The following AKAP9 variants were observed in gnomAD, a reference collection of about 807,000 sequenced individuals.
AKAP9 encodes the protein A-kinase anchoring protein 9.
AKAP9 carries 311 observed loss-of-function variants against 488.5 expected under a neutral mutation model. That is an observed-to-expected ratio of 0.64 (90% CI 0.58 to 0.70). AKAP9 has a LOEUF of 0.70. Among genes scored for constraint, AKAP9 ranks in the 30% least tolerant of loss-of-function variants. AKAP9 has a pLI of 0.00. For synonymous variants in AKAP9, 1,462 were observed against 1,483.5 expected (o/e 0.99, Z 0.33); for missense variants, 4,215 against 4,374.5 (o/e 0.96, Z 1.03).
chr7:92,067,521 G>A (rs1810964868), intron 26 of AKAP9, among the ~76,000 whole-genome samples: 1 of 152,104 alleles, frequency 6.6e-6, no homozygotes, highest in African/African-American at 2.4e-5. Context: ...TCTGTTATTT[G>A]CACTTTTATT....
intron 26 of AKAP9, among the ~76,000 whole-genome samples, chr7:92,068,108 C>A (rs1811051181): frequency 6.6e-6 from 1 of 151,962 alleles, no homozygotes; most frequent in Non-Finnish European, 1.5e-5. Context: ...AGCCTGTAAT[C>A]CCAGCACTTT....
intron 38 of AKAP9, chr7:92,089,863 C>G: frequency 5.5e-6 from 1 of 182,194 alleles, no homozygotes; most frequent in South Asian, 1.3e-4. Context: ...GGAAAATCCA[C>G]AATGCATGTA....
chr7:91,951,250 A>G (rs1001199689), intron 1 of AKAP9, among the ~76,000 whole-genome samples: 17 of 151,816 alleles, frequency 1.1e-4, no homozygotes, highest in African/African-American at 4.1e-4. Context: ...AATTTTTTTA[A>G]TGTTCTAAGC....
intron 1 of AKAP9, among the ~76,000 whole-genome samples, chr7:91,959,507 T>C (rs931460770): frequency 6.6e-6 from 1 of 152,108 alleles, no homozygotes; most frequent in East Asian, 1.9e-4. Flanking sequence ...GATCTTGTTA[T>C]GCTGTTCTGG....
Position 92,003,024 on chromosome 7 carries a change from C to T in AKAP9, c.3107C>T (p.Ser1036Phe), listed in dbSNP as rs1799356611. The T allele has an allele frequency of 6.2e-7, 1 of 1,613,180 alleles. No homozygotes were observed. Among genetic ancestry groups the T allele is most frequent in the African/African-American group, 1.3e-5 (1 of 74,836 alleles). ...AGCAGGGGTGCTGAAGGATCAGTTT[C>T]TAAAGTAAATAAAAGTTTTGGTGAA... ...MTSRGAEGSV[S>F]KVNKSFGEES... The change falls in exon 8 of 50, where the codon TCT becomes TTT. Residue 1036 changes from serine to phenylalanine, a missense_variant. Ser to Phe is a radical substitution (Grantham distance 155). This residue lies in a region of AKAP9 where 2,361 missense variants were observed against 2,430.0 expected (regional missense o/e 0.97). Transcript: ENST00000356239.
At chr7:92,082,990 C>T (rs942507439) in intron 32 of AKAP9, among the ~76,000 whole-genome samples, 180 bp from the exon 33 acceptor site, 1 of 152,028 alleles carries the variant, frequency 6.6e-6, no homozygotes, top group Non-Finnish European at 1.5e-5. Context: ...AATCTATGAC[C>T]ATACGTACAT....
At chr7:92,019,457 A>T (rs1584151369) in intron 12 of AKAP9, among the ~76,000 whole-genome samples, 1 of 151,720 alleles carries the variant, frequency 6.6e-6, no homozygotes, top group East Asian at 1.9e-4. Context: ...TTATTTATTT[A>T]TTTATTTATT....
Position 92,089,540 on chromosome 7 carries a change from T to C in AKAP9, c.9358+11T>C, listed in dbSNP as rs199714035. On this transcript the variant is annotated intron_variant, in intron 38 of 49. Coordinates refer to ENST00000356239, the MANE Select transcript of AKAP9 (RefSeq NM_005751.5). ...AGAAACCAAGCCAAGGTATGTTGTA[T>C]GACAAGCTCATATGGTTACACAAAC... The C allele has an allele frequency of 1.5e-3, 2,358 of 1,612,674 alleles. 2 individuals carry two copies. Among genetic ancestry groups the C allele is most frequent in the Non-Finnish European group, 1.8e-3 (2,142 of 1,179,244 alleles).
chr7:91,976,166 G>A (rs915612469), intron 2 of AKAP9, among the ~76,000 whole-genome samples: 6 of 151,998 alleles, frequency 3.9e-5, no homozygotes, highest in East Asian at 1.9e-4. Context: ...CAAGTGATAC[G>A]TCCACCTCAG....
intron 38 of AKAP9, chr7:92,092,880 T>G (rs1191523952): frequency 4.1e-6 from 2 of 486,690 alleles, no homozygotes; most frequent in Non-Finnish European, 7.4e-6. Context: ...CTCCTGGCCT[T>G]AAGCAGTCCT....
At chr7:91,994,909 TG>T (rs1798201367) in intron 6 of AKAP9, 133 bp downstream of exon 6, 1 of 742,012 alleles carries the variant, frequency 1.3e-6, no homozygotes. Context: ...TTAGTGAATA[TG>T]TGTTGCTATA....
At chr7:91,941,256 A>G (rs1790716380) in intron 1 of AKAP9, 109 bp downstream of exon 1, 8 of 1,088,070 alleles carry the variant, frequency 7.4e-6, no homozygotes, top group Admixed American at 1.8e-5. Context: ...ACTGCCCGAG[A>G]GGGAGGTGCT....
rs767439603 is a variant in AKAP9, at chr7:92,083,590, G to T, written c.8581G>T (p.Val2861Phe). 2.5e-6 allele frequency: 4 copies of T among 1,602,872 alleles called. No homozygotes were observed. ...ETLKREHYVAVQLLKEECGTL... is the reference protein window; with the variant it reads ...ETLKREHYVAFQLLKEECGTL... ...CTTAAAGAGGGAACACTATGTTGCC[G>T]TTCAGTTACTGAAAGAGGAATGTGG... The change falls in exon 33 of 50, where the codon GTT becomes TTT. Residue 2861 changes from valine to phenylalanine, a missense_variant. Around this residue, in one of 5 missense-constraint regions of AKAP9, gnomAD observed 1,476 missense variants for 1,477.4 expected, o/e 1.00. Coordinates refer to ENST00000356239, the MANE Select transcript of AKAP9 (RefSeq NM_005751.5).
chr7:91,953,137 A>AG (rs1792474457), intron 1 of AKAP9, among the ~76,000 whole-genome samples: 1 of 152,208 alleles, frequency 6.6e-6, no homozygotes, highest in Non-Finnish European at 1.5e-5. Context: ...GCAGGAACAG[A>AG]GGGGATACAT....
chr7:91,974,745 A>G (rs1174843933), intron 2 of AKAP9, among the ~76,000 whole-genome samples: 1 of 151,962 alleles, frequency 6.6e-6, no homozygotes, highest in Non-Finnish European at 1.5e-5. Context: ...AGGATTTTTT[A>G]TTTATTTAGG....
Position 92,016,172 on chromosome 7 carries a change from A to C in AKAP9, c.3656A>C (p.Lys1219Thr). 1 of 1,601,084 alleles carries C rather than the reference A, an allele frequency of 6.2e-7. No homozygotes were observed. Among genetic ancestry groups the C allele is most frequent in the Non-Finnish European group, 8.6e-7 (1 of 1,168,864 alleles). ...GGTGAATATTATACTCCTGCTTTAA[A>C]ATGTGAAGTAAATGCAGAAGACAAA... Reference protein sequence around the residue: ...VLGEYYTPALKCEVNAEDKEN... With the variant: ...VLGEYYTPALTCEVNAEDKEN... Residue 1219 changes from lysine to threonine, a missense_variant, in exon 11 of 50, where the codon AAA (lysine) becomes ACA (threonine). Physicochemically the swap from Lys to Thr is moderately conservative, Grantham distance 78. This residue lies in a region of AKAP9 where 2,361 missense variants were observed against 2,430.0 expected (regional missense o/e 0.97). Coordinates refer to ENST00000356239, the MANE Select transcript of AKAP9 (RefSeq NM_005751.5).
At chr7:91,959,324 C>G (rs931493366) in intron 1 of AKAP9, among the ~76,000 whole-genome samples, 2 of 152,062 alleles carry the variant, frequency 1.3e-5, no homozygotes, top group Admixed American at 6.6e-5. Context: ...GGATCTCACT[C>G]TGTTGCCCAG....
intron 10 of AKAP9, among the ~76,000 whole-genome samples, chr7:92,015,487 C>G (rs1310632023): frequency 6.6e-6 from 1 of 151,888 alleles, no homozygotes; most frequent in Non-Finnish European, 1.5e-5. Context: ...ACCTCACCTC[C>G]CGAGTAGCTG....
chr7:92,003,066 T>G lies in AKAP9; in HGVS notation c.3149T>G (p.Val1050Gly), dbSNP rs757591897. ...TTTGGTGAAGAATCAAAAATAATGG[T>G]GGAAGATAAAGTTTCTTTTGAAAAT... The part of the protein sequence containing the change: ...KSFGEESKIM[V>G]EDKVSFENMT... Residue 1050 changes from valine to glycine, a missense_variant, in exon 8 of 50, where the codon GTG becomes GGG. Val to Gly is a moderately radical substitution (Grantham distance 109). Transcript: ENST00000356239. 1 of 1,613,002 alleles carries G rather than the reference T, an allele frequency of 6.2e-7. No homozygotes were observed. The highest frequency in any genetic ancestry group is 8.5e-7 in the Non-Finnish European group (1 of 1,179,554).
Sources: allele counts gnomAD v4.1 joint callset (sites outside exome capture counted in the v4.1 genomes callset), GRCh38; gene constraint gnomAD v4.1.1; regional missense constraint gnomAD v4.1.1; transcripts MANE v1.5; gene names NCBI Gene and HGNC (gene_info 2026-07-23, HGNC 2026-07-21).